MAP7: variants seen among roughly 807,000 people sequenced by gnomAD.
MAP7 encodes the protein microtubule associated protein 7.
MAP7 carries 52 observed loss-of-function variants against 94.8 expected under a neutral mutation model. The observed-to-expected ratio is 0.55, with a 90% CI of 0.44 to 0.69. The LOEUF (loss-of-function observed/expected upper bound fraction) is 0.69. MAP7 is among the 30% of genes least tolerant of loss of function. MAP7 has a pLI of 0.00. For synonymous variants in MAP7, 350 were observed against 357.0 expected (o/e 0.98, Z 0.22); for missense variants, 940 against 964.6 (o/e 0.97, Z 0.34).
chr6:136,526,013 T>G (rs776555088), intron 1 of MAP7: 840 of 1,479,456 alleles, frequency 5.7e-4, no homozygotes, highest in Non-Finnish European at 7.3e-4. Context: ...ATATTAAAAA[T>G]ATATGCTTAT....
In MAP7 at chr6:136,366,333, C is replaced by A; in HGVS notation, c.983G>T (p.Arg328Leu). Residue 328 changes from arginine to leucine, a missense_variant, in exon 9 of 18, where the codon CGA (arginine) becomes CTA (leucine). Transcript: ENST00000354570. The part of the protein sequence containing the change: ...NPKARQPARS[R>L]LWLPSKSLPH... Reference sequence around the variant, plus strand: ...CCACTTATATTTCACTTACCAAAGTCGGGAGCGAGCTGGTTGTCTTGCTTT... The same window carrying A: ...CCACTTATATTTCACTTACCAAAGTAGGGAGCGAGCTGGTTGTCTTGCTTT... 2 of 1,613,564 alleles carry A rather than the reference C, an allele frequency of 1.2e-6. No individual in the cohort carries two copies. The highest frequency in any genetic ancestry group is 8.5e-7 in the Non-Finnish European group (1 of 1,179,532).
At chr6:136,541,903 C>T (rs1829354853) in intron 1 of MAP7, among the ~76,000 whole-genome samples, 2 of 151,918 alleles carry the variant, frequency 1.3e-5, no homozygotes, top group Non-Finnish European at 2.9e-5. Context: ...TACTAAAAAT[C>T]CAAAAATTAG....
intron 1 of MAP7, among the ~76,000 whole-genome samples, chr6:136,475,160 A>C (rs936562498): frequency 2.6e-5 from 4 of 152,236 alleles, no homozygotes; most frequent in African/African-American, 9.6e-5. Flanking sequence ...ACTGCAGATT[A>C]GATTGTAAGG....
At chr6:136,463,979 C>A (rs866858026) in intron 1 of MAP7, among the ~76,000 whole-genome samples, 1 of 152,156 alleles carries the variant, frequency 6.6e-6, no homozygotes. Context: ...GTTGGCCATA[C>A]CACATGACCT....
intron 7 of MAP7, among the ~76,000 whole-genome samples, chr6:136,375,804 G>C (rs1050823840): frequency 2.0e-5 from 3 of 152,142 alleles, no homozygotes; most frequent in Admixed American, 6.5e-5. Context: ...CTTGTGAAAA[G>C]GAGAATGGAA....
At chr6:136,420,114 G>A (rs555599779) in intron 2 of MAP7, 1 of 855,472 alleles carries the variant, frequency 1.2e-6, no homozygotes, top group African/African-American at 1.6e-5. Context: ...TAAATGCTTT[G>A]GGAGCACAAT....
intron 3 of MAP7, among the ~76,000 whole-genome samples, chr6:136,397,063 A>G (rs1477499701): frequency 6.6e-6 from 1 of 152,238 alleles, no homozygotes; most frequent in African/African-American, 2.4e-5. Context: ...TCTACCAGGA[A>G]GTGCAGATCC....
In MAP7 at chr6:136,346,463, G is replaced by A. The variant is rs1034763916; in HGVS notation, c.2016-384C>T. On this transcript the variant is annotated intron_variant, in intron 16 of 17. Coordinates refer to ENST00000354570, the MANE Select transcript of MAP7 (RefSeq NM_003980.6). ...AGTAGTCCAAGCTACTCTGGCAGTC[G>A]AGGTGGGAGGATCACTTGAGCTCAG... 2.6e-5 allele frequency among the ~76,000 whole-genome samples: 4 copies of A among 152,276 alleles called. No individual in the cohort carries two copies. The East Asian group carries it at 7.7e-4, about 29-fold the overall frequency.
At chr6:136,431,522 T>TTATTTATTTATC (rs1195102641) in intron 1 of MAP7, among the ~76,000 whole-genome samples, 5 of 145,424 alleles carry the variant, frequency 3.4e-5, no homozygotes, top group Non-Finnish European at 7.4e-5. Flanking sequence ...ATTTATTTAT[T>TTATTTATTTATC]TATTTAATTT....
chr6:136,472,197 T>C (rs1467518895), intron 1 of MAP7, among the ~76,000 whole-genome samples: 4 of 152,202 alleles, frequency 2.6e-5, no homozygotes, highest in African/African-American at 4.8e-5. Context: ...TAGTGAAATA[T>C]TGTCTGAACT....
chr6:136,409,496 T>C (rs1039074336), intron 3 of MAP7, among the ~76,000 whole-genome samples: 8 of 152,264 alleles, frequency 5.3e-5, no homozygotes, highest in African/African-American at 1.9e-4. Flanking sequence ...ATATAATATA[T>C]GTAACATATA....
At chr6:136,541,211 T>A (rs1365923857) in intron 1 of MAP7, among the ~76,000 whole-genome samples, 1 of 152,158 alleles carries the variant, frequency 6.6e-6, no homozygotes. Flanking sequence ...CAGGAACACA[T>A]CTTACAGCCA....
rs1156527948 is a variant in MAP7, at chr6:136,381,877, T to TAC, written c.637+1792_637+1793dup. Among the ~76,000 whole-genome samples, 915 of 93,014 alleles carry TAC rather than the reference T, an allele frequency of 9.8e-3. 8 individuals are homozygous for TAC. Among genetic ancestry groups the TAC allele is most frequent in the Middle Eastern group, 0.028 (5 of 180 alleles). The allele number at this position is 93,014 out of a possible 152,430, so 61.0% of individuals were successfully genotyped here. ...CTCTACTCCTTACCACTTCTAACCT[T>TAC]ACACACACACACACACACACACACA... On this transcript the variant is annotated intron_variant, in intron 6 of 17. Transcript: ENST00000354570.
At chr6:136,414,025 G>A (rs1016381849) in intron 2 of MAP7, among the ~76,000 whole-genome samples, 3 of 151,726 alleles carry the variant, frequency 2.0e-5, no homozygotes, top group Non-Finnish European at 4.4e-5. Flanking sequence ...CGAGGCGGGC[G>A]GATCACGAGG....
At chr6:136,468,848 C>A (rs368317596) in intron 1 of MAP7, among the ~76,000 whole-genome samples, 2 of 152,122 alleles carry the variant, frequency 1.3e-5, no homozygotes, top group African/African-American at 2.4e-5. Flanking sequence ...TTCTCACTTC[C>A]GAGCAACAAA....
chr6:136,431,405 G>A (rs1413473731), intron 1 of MAP7, among the ~76,000 whole-genome samples: 1 of 151,958 alleles, frequency 6.6e-6, no homozygotes, highest in Non-Finnish European at 1.5e-5. Context: ...TTTCTCTCTT[G>A]GAAATGCATA....
chr6:136,534,817 G>C (rs1160508815), intron 1 of MAP7, among the ~76,000 whole-genome samples: 6 of 152,074 alleles, frequency 3.9e-5, no homozygotes, highest in Admixed American at 1.3e-4. Flanking sequence ...TAAGCAGCCT[G>C]TTCATCTGAA....
intron 3 of MAP7, among the ~76,000 whole-genome samples, chr6:136,399,528 A>G (rs1783474701): frequency 6.6e-6 from 1 of 150,472 alleles, no homozygotes; most frequent in Admixed American, 6.6e-5. Context: ...TTTTATTATT[A>G]TTCCTTGTAG....
chr6:136,464,220 T>G (rs758798294), intron 1 of MAP7, among the ~76,000 whole-genome samples: 2 of 152,204 alleles, frequency 1.3e-5, no homozygotes, highest in Non-Finnish European at 2.9e-5. Context: ...ACAGAAGATA[T>G]TAACATTGCA....
Sources: gnomAD v4.1 joint callset for allele counts (sites outside exome capture counted in the v4.1 genomes callset) on GRCh38, gnomAD v4.1.1 for gene constraint, MANE v1.5 for transcripts, NCBI Gene and HGNC (gene_info 2026-07-23, HGNC 2026-07-21) for gene names.